TUBGCP3: variants seen among roughly 807,000 people sequenced by gnomAD.
TUBGCP3 encodes the protein tubulin gamma complex component 3.
TUBGCP3 carries 50 observed loss-of-function variants against 123.1 expected under a neutral mutation model. The observed-to-expected ratio is 0.41, with a 90% confidence interval of 0.32 to 0.51. The LOEUF (loss-of-function observed/expected upper bound fraction) is 0.51. Among genes scored for constraint, TUBGCP3 ranks in the 20% least tolerant of loss-of-function variants. The pLI, the probability that TUBGCP3 is intolerant of heterozygous loss-of-function variation, is 0.36. For synonymous variants in TUBGCP3, 405 were observed against 413.9 expected (o/e 0.98, Z 0.26); for missense variants, 882 against 1,127.0 (o/e 0.78, Z 3.11).
At chr13:112,505,792 GCA>G (rs1313962574) in intron 17 of TUBGCP3, among the ~76,000 whole-genome samples, 1 of 152,184 alleles carries the variant, frequency 6.6e-6, no homozygotes, top group Admixed American at 6.5e-5. Context: ...CTGTCTGAAG[GCA>G]CAGATTCCAC....
intron 1 of TUBGCP3, among the ~76,000 whole-genome samples, chr13:112,576,998 G>GA (rs147386054): frequency 0.17 from 22,656 of 130,320 alleles, 2,023 homozygotes; most frequent in East Asian, 0.23. Flanking sequence ...AAAAAAAAAA[G>GA]AAAAAAAAAT....
intron 20 of TUBGCP3, among the ~76,000 whole-genome samples, chr13:112,495,704 C>T (rs1271654047): frequency 1.3e-5 from 2 of 152,150 alleles, no homozygotes; most frequent in African/African-American, 2.4e-5. Flanking sequence ...CAGAGAGCAA[C>T]AAAAGCTAAA....
At chr13:112,573,717 G>T (rs1201615509) in intron 1 of TUBGCP3, among the ~76,000 whole-genome samples, 1 of 152,238 alleles carries the variant, frequency 6.6e-6, no homozygotes, top group Non-Finnish European at 1.5e-5. Flanking sequence ...GTGGATTGGA[G>T]CTGGTGCCAG....
intron 1 of TUBGCP3, among the ~76,000 whole-genome samples, chr13:112,581,671 C>A (rs1453934335): frequency 1.3e-5 from 2 of 152,136 alleles, no homozygotes; most frequent in African/African-American, 4.8e-5. Context: ...GTCTCGAACT[C>A]CTGGGATCAA....
chr13:112,566,780 T>C (rs919174746), intron 2 of TUBGCP3, among the ~76,000 whole-genome samples: 3 of 152,234 alleles, frequency 2.0e-5, no homozygotes, highest in Admixed American at 1.3e-4. Flanking sequence ...AAATAAGTGA[T>C]GTTTCTCTAT....
At chr13:112,593,696 G>A in the TUBGCP3 span, among the ~76,000 whole-genome samples, 21 of 152,018 alleles carry the variant, frequency 1.4e-4, no homozygotes, top group African/African-American at 4.8e-4. Context: ...AAAAAGATCC[G>A]AATGGCAAAC....
intron 11 of TUBGCP3, among the ~76,000 whole-genome samples, chr13:112,530,486 G>A (rs1468877366): frequency 6.6e-6 from 1 of 152,204 alleles, no homozygotes; most frequent in Non-Finnish European, 1.5e-5. Context: ...CCACTTATAG[G>A]TGGATGTTTT....
chr13:112,549,245 A>T (rs1879339509), intron 8 of TUBGCP3, among the ~76,000 whole-genome samples: 1 of 152,052 alleles, frequency 6.6e-6, no homozygotes, highest in Non-Finnish European at 1.5e-5. Context: ...ACAGAAAACA[A>T]AACACCGCAT....
Position 112,540,155 on chromosome 13 carries a change from G to A in TUBGCP3, c.1335+5544C>T, listed in dbSNP as rs1566561570. On this transcript the variant is annotated intron_variant, in intron 11 of 21. Coordinates refer to ENST00000261965, the MANE Select transcript of TUBGCP3 (RefSeq NM_006322.6). The stretch of plus-strand genomic sequence containing the variant: ...TGGGAATGAGGATGTCAATATAGTA[G>A]CCTATGAGCATTCAGGTGGTCTTGG... Among the ~76,000 whole-genome samples the A allele has an allele frequency of 2.7e-5, 4 of 149,196 alleles. No individual in the cohort carries two copies. The South Asian group carries it at 6.5e-4, about 24-fold the overall frequency.
chr13:112,597,195 G>T, the TUBGCP3 span, among the ~76,000 whole-genome samples: 7 of 152,202 alleles, frequency 4.6e-5, no homozygotes, highest in African/African-American at 1.4e-4. Flanking sequence ...GGCTCTTAAG[G>T]TTGCTTAGGG....
At position 112,519,225 on chromosome 13, in the gene TUBGCP3, T is replaced by G. The variant is rs1255805677; in HGVS notation, c.1882-182A>C. On this transcript the variant is annotated intron_variant, in intron 15 of 21. Transcript: ENST00000261965. The surrounding 1 kb of genome is among the most constrained non-coding windows in gnomAD (Gnocchi z 6.2). ...TAGGCAATAATGAGCACACAGTAGG[T>G]GCTCTGCAAACATCTGGCAATGCAT... 6.6e-6 allele frequency among the ~76,000 whole-genome samples: 1 copy of G among 152,232 alleles called. No individual in the cohort carries two copies. Among genetic ancestry groups the G allele is most frequent in the Non-Finnish European group, 1.5e-5 (1 of 68,042 alleles).
At chr13:112,562,636 AGAG>A (rs1380014334) in intron 3 of TUBGCP3, among the ~76,000 whole-genome samples, 1 of 152,162 alleles carries the variant, frequency 6.6e-6, no homozygotes, top group Non-Finnish European at 1.5e-5. Context: ...AGGAGTGGGT[AGAG>A]GAGAGATCTG....
chr13:112,488,661 TC>T (rs1879846916), intron 21 of TUBGCP3, among the ~76,000 whole-genome samples: 4 of 42,034 alleles, frequency 9.5e-5, no homozygotes, highest in African/African-American at 2.0e-4. Context: ...GGTCCCCACA[TC>T]CCACCACAGG....
chr13:112,521,578 A>C lies in TUBGCP3; in HGVS notation c.1745+742T>G, dbSNP rs1876629776. 5.2e-6 allele frequency: 4 copies of C among 770,380 alleles called. No individual in the cohort carries two copies. In the Admixed American group the frequency reaches 1.9e-4, roughly 36 times the overall value. 47.7% of individuals were successfully genotyped at this position (770,380 alleles called of 1,614,324 possible). On this transcript the variant is annotated intron_variant, in intron 14 of 21. Coordinates refer to ENST00000261965, the MANE Select transcript of TUBGCP3 (RefSeq NM_006322.6). Reference sequence around the variant, plus strand: ...TGATACACTGAAACTTGAGGACCTGAGGCCTAAAACAATTGCTTGGGGAGC... The same window carrying C: ...TGATACACTGAAACTTGAGGACCTGCGGCCTAAAACAATTGCTTGGGGAGC...
intron 17 of TUBGCP3, among the ~76,000 whole-genome samples, chr13:112,507,344 T>C (rs1011808500): frequency 1.3e-5 from 2 of 152,336 alleles, no homozygotes; most frequent in African/African-American, 4.8e-5. Context: ...TTTTATTTTC[T>C]AGCCTTTTCA....
At chr13:112,525,256 G>A (rs994068886) in intron 13 of TUBGCP3, among the ~76,000 whole-genome samples, 1 of 152,104 alleles carries the variant, frequency 6.6e-6, no homozygotes, top group African/African-American at 2.4e-5. Context: ...CCTGGGCTGC[G>A]CAATAACCCA....
intron 2 of TUBGCP3, among the ~76,000 whole-genome samples, chr13:112,565,827 T>G (rs1880913372): frequency 6.6e-6 from 1 of 151,250 alleles, no homozygotes; most frequent in Non-Finnish European, 1.5e-5. Flanking sequence ...CCCAGCCACC[T>G]GGGAGGCTGA....
At chr13:112,601,704 C>G in the TUBGCP3 span, among the ~76,000 whole-genome samples, 3 of 152,166 alleles carry the variant, frequency 2.0e-5, no homozygotes, top group African/African-American at 7.2e-5. Flanking sequence ...CCGTGTCCCC[C>G]CTTTTCAGGC....
Position 112,504,682 on chromosome 13 carries a change from A to G in TUBGCP3, c.2119T>C (p.Leu707=). Residue 707 remains leucine (L), a synonymous_variant, in exon 18 of 22, where the codon TTG becomes CTG. Coordinates refer to ENST00000261965, the MANE Select transcript of TUBGCP3 (RefSeq NM_006322.6). ...FSGVLHQCHI[L]ASEMVHFIHQ... ...ATGAAATGGACCATCTCAGAGGCCAAAATGTGACACTGGTGCAGCACCCCG... is the reference window on the plus strand; with the variant it reads ...ATGAAATGGACCATCTCAGAGGCCAGAATGTGACACTGGTGCAGCACCCCG... 6.2e-7 allele frequency: 1 copy of G among 1,614,052 alleles called. No individual in the cohort carries two copies. Among genetic ancestry groups the G allele is most frequent in the Non-Finnish European group, 8.5e-7 (1 of 1,179,992 alleles).
Sources: gnomAD v4.1 joint callset for allele counts (sites outside exome capture counted in the v4.1 genomes callset) on GRCh38, gnomAD v4.1.1 for gene constraint, Gnocchi (gnomAD v3.1) non-coding constraint, MANE v1.5 for transcripts, NCBI Gene and HGNC (gene_info 2026-07-23, HGNC 2026-07-21) for gene names.